SYNRG: variants seen among roughly 807,000 people sequenced by gnomAD.
The protein encoded by SYNRG is AP1 gamma subunit binding protein 1.
In SYNRG, 37 loss-of-function variants were observed where a neutral mutation model predicts 130.9. The observed-to-expected ratio is 0.28, with a 90% CI of 0.22 to 0.37. The LOEUF is 0.37. Among genes scored for constraint, SYNRG ranks in the 10% least tolerant of loss-of-function variants. The pLI is 1.00. For synonymous variants in SYNRG, 539 were observed against 568.1 expected (o/e 0.95, Z 0.73); for missense variants, 1,338 against 1,588.9 (o/e 0.84, Z 2.68).
rs1244129556 is a variant in SYNRG, at chr17:37,540,407, C to T, written c.3339G>A (p.Lys1113=). 6.8e-6 allele frequency: 11 copies of T among 1,613,746 alleles called. No individual in the cohort carries two copies. The highest frequency in any genetic ancestry group is 8.5e-6 in the Non-Finnish European group (10 of 1,179,868). The change falls in exon 16 of 22, where the codon AAG becomes AAA. Residue 1113 remains lysine, a synonymous_variant. Transcript: ENST00000612223. ...EKPALPVIRD[K]YKDLTGEVEE... ...CCACCTCTCCCGTCAGGTCTTTGTA[C>T]TTGTCTCGGATGACGGGCAGGGCGG... is the stretch of plus-strand genomic sequence containing the variant.
chr17:37,529,765 G>A (rs778679047), intron 19 of SYNRG: 18 of 1,549,618 alleles, frequency 1.2e-5, no homozygotes, highest in African/African-American at 5.5e-5. Flanking sequence ...TGGCAAGTAC[G>A]CCTGGTCTCT....
At chr17:37,573,193 G>A (rs1485983634) in intron 8 of SYNRG, among the ~76,000 whole-genome samples, 1 of 152,086 alleles carries the variant, frequency 6.6e-6, no homozygotes, top group African/African-American at 2.4e-5. Context: ...CACAAGGTCA[G>A]GAGTTCGAGA....
intron 3 of SYNRG, among the ~76,000 whole-genome samples, chr17:37,587,550 A>G (rs149479653): frequency 9.2e-5 from 14 of 152,250 alleles, no homozygotes; most frequent in African/African-American, 3.4e-4. Context: ...TCTACCTTCA[A>G]AAACCTGAAT....
intron 1 of SYNRG, chr17:37,605,713 T>C (rs998414391): frequency 1.1e-5 from 7 of 655,220 alleles, no homozygotes; most frequent in Non-Finnish European, 1.3e-5. Context: ...CAGTAAAAGC[T>C]TGGCAAAAAA....
chr17:37,585,770 C>A (rs2061648600), intron 4 of SYNRG, among the ~76,000 whole-genome samples: 1 of 152,134 alleles, frequency 6.6e-6, no homozygotes, highest in Non-Finnish European at 1.5e-5. Context: ...TAAAAAAGAA[C>A]CTGCTTGGGA....
intron 11 of SYNRG, chr17:37,566,775 C>T (rs1466960177): frequency 6.6e-6 from 1 of 152,222 alleles, no homozygotes; most frequent in Non-Finnish European, 1.5e-5. Context: ...TTAATTTCAT[C>T]TACAAACAGT....
intron 11 of SYNRG, among the ~76,000 whole-genome samples, chr17:37,563,735 A>G (rs1233077372): frequency 6.6e-6 from 1 of 151,928 alleles, no homozygotes; most frequent in Non-Finnish European, 1.5e-5. Flanking sequence ...TGGCATTTCC[A>G]TAGGTTGTCC....
intron 17 of SYNRG, 98 bp from the exon 18 acceptor site, chr17:37,538,518 G>GT: frequency 1.3e-6 from 1 of 758,322 alleles, no homozygotes; most frequent in Non-Finnish European, 2.2e-6. Context: ...GCCAGGAGGT[G>GT]TCAAAAAATC....
At chr17:37,594,436 T>C (rs936213235) in intron 3 of SYNRG, among the ~76,000 whole-genome samples, 2 of 150,008 alleles carry the variant, frequency 1.3e-5, no homozygotes, top group African/African-American at 4.9e-5. Flanking sequence ...GTAGATTGTT[T>C]TTAGTTATTT....
chr17:37,540,327 C>G, intron 16 of SYNRG, 53 bp downstream of exon 16: 1 of 1,588,210 alleles, frequency 6.3e-7, no homozygotes, highest in South Asian at 1.1e-5. Flanking sequence ...TTCTTGGGGC[C>G]CTGTGTGCTT....
chr17:37,588,377 C>T (rs1246873981), intron 3 of SYNRG, among the ~76,000 whole-genome samples: 1 of 151,694 alleles, frequency 6.6e-6, no homozygotes, highest in Non-Finnish European at 1.5e-5. Flanking sequence ...ATTCTCCCAC[C>T]TCAGCCTCCC....
chr17:37,540,606 C>A, intron 15 of SYNRG, 63 bp from the exon 16 acceptor site: 1 of 1,343,316 alleles, frequency 7.4e-7, no homozygotes, highest in Non-Finnish European at 1.0e-6. Flanking sequence ...GGCAGAGGCT[C>A]TTCCTCGCTA....
chr17:37,536,895 CTAAGTG>C (rs2057244643), intron 18 of SYNRG: 1 of 152,282 alleles, frequency 6.6e-6, no homozygotes, highest in Non-Finnish European at 1.5e-5. Context: ...CCCGATCTCT[CTAAGTG>C]AACACTGGAG....
intron 6 of SYNRG, chr17:37,579,305 TGG>T: frequency 7.7e-7 from 1 of 1,304,206 alleles, no homozygotes; most frequent in Non-Finnish European, 1.0e-6. Flanking sequence ...CTGAAAGGGC[TGG>T]GACGTGGAAG....
chr17:37,544,150 T>C (rs2058044543), intron 14 of SYNRG, among the ~76,000 whole-genome samples: 2 of 151,998 alleles, frequency 1.3e-5, no homozygotes, highest in African/African-American at 4.8e-5. Context: ...GCTAAGTGAA[T>C]AATAAAAACA....
intron 9 of SYNRG, 86 bp downstream of exon 9, chr17:37,571,705 G>GTT: frequency 1.6e-6 from 2 of 1,223,758 alleles, no homozygotes; most frequent in South Asian, 3.2e-5. Flanking sequence ...TGTACAAGGA[G>GTT]TTACACAATG....
At position 37,527,752 on chromosome 17, in the gene SYNRG, C is replaced by T. The variant is rs974241142; in HGVS notation, c.3667-7104G>A. Among the ~76,000 whole-genome samples the T allele has an allele frequency of 4.6e-5, 7 of 152,196 alleles. No homozygotes were observed. In the East Asian group the frequency reaches 1.4e-3, roughly 29 times the overall value. The stretch of plus-strand genomic sequence containing the variant: ...ATGCAAATCCTATGCCATTTCTTAT[C>T]AGGAACTCGAACGTCTGCAGATTTT... On this transcript the variant is annotated intron_variant, in intron 19 of 21. Transcript: ENST00000612223.
intron 3 of SYNRG, among the ~76,000 whole-genome samples, chr17:37,592,153 T>A (rs1212382480): frequency 6.6e-6 from 1 of 152,236 alleles, no homozygotes; most frequent in African/African-American, 2.4e-5. Context: ...TGAAAAGGCA[T>A]TTCTCTGAAG....
At chr17:37,566,406 T>C (rs1006608102) in intron 11 of SYNRG, among the ~76,000 whole-genome samples, 1 of 147,056 alleles carries the variant, frequency 6.8e-6, no homozygotes, top group Non-Finnish European at 1.5e-5. Context: ...CGGTGCAAGA[T>C]GTGCTTTGTT....
Sources: allele counts gnomAD v4.1 joint callset (sites outside exome capture counted in the v4.1 genomes callset), GRCh38; gene constraint gnomAD v4.1.1; transcripts MANE v1.5; gene names NCBI Gene and HGNC (gene_info 2026-07-23, HGNC 2026-07-21).